The following FRAS1 variants were observed in gnomAD, a reference collection of about 807,000 sequenced individuals.
The protein encoded by FRAS1 is extracellular matrix organizing protein FRAS1.
FRAS1 carries 290 observed loss-of-function variants against 435.2 expected under a neutral mutation model. The ratio of observed to expected loss-of-function variants is 0.67; its 90% CI spans 0.61 to 0.73. The LOEUF is 0.73. FRAS1 is among the 30% of genes least tolerant of loss of function. The pLI is 0.00. For missense variants in FRAS1, 4,860 were observed against 5,001.5 expected (o/e 0.97, Z 0.85); for synonymous variants, 1,800 against 1,851.0 (o/e 0.97, Z 0.71).
In FRAS1 at chr4:78,299,633, C is replaced by G. The variant is rs552698753; in HGVS notation, c.1535-8433C>G. ...AGATGATTTCATCCCCTACAGATGTCTTGAGTTACTTTCTTTTCTCCCCAC... is the reference window on the plus strand; with the variant it reads ...AGATGATTTCATCCCCTACAGATGTGTTGAGTTACTTTCTTTTCTCCCCAC... On this transcript the variant is annotated intron_variant, in intron 14 of 73. Coordinates refer to ENST00000512123, the MANE Select transcript of FRAS1 (RefSeq NM_025074.7). Among the ~76,000 whole-genome samples the G allele has an allele frequency of 2.0e-5, 3 of 152,312 alleles. No homozygotes were observed. In the East Asian group the frequency reaches 5.8e-4, roughly 29 times the overall value.
intron 19 of FRAS1, among the ~76,000 whole-genome samples, chr4:78,334,355 C>G (rs2004557): frequency 0.029 from 4,131 of 141,716 alleles, 317 homozygotes; most frequent in African/African-American, 0.099. Flanking sequence ...AAAGTCATAA[C>G]CAATTTTCTT....
chr4:78,266,828 A>G lies in FRAS1; in HGVS notation c.688-6A>G. 1 of 1,591,132 alleles carries G rather than the reference A, an allele frequency of 6.3e-7. No homozygotes were observed. The highest frequency in any genetic ancestry group is 1.8e-5 in the Admixed American group (1 of 56,822). ...TTCCATGTTCTTCTTTCCTGTCTTC[A>G]TGCAGCATGGTGAGCAGTGGAGCGA... On this transcript the variant is annotated splice_polypyrimidine_tract_variant and splice_region_variant and intron_variant, in intron 7 of 73. Transcript: ENST00000512123.
chr4:78,453,903 A>C (rs183113638), intron 47 of FRAS1, among the ~76,000 whole-genome samples: 3 of 152,168 alleles, frequency 2.0e-5, no homozygotes, highest in African/African-American at 7.2e-5. Flanking sequence ...TTCAGATTTT[A>C]GGTTATACAG....
At chr4:78,431,506 G>A (rs1371532220) in intron 37 of FRAS1, among the ~76,000 whole-genome samples, 1 of 152,154 alleles carries the variant, frequency 6.6e-6, no homozygotes, top group Non-Finnish European at 1.5e-5. Flanking sequence ...TGAATAGACA[G>A]AATGAGTAAA....
At chr4:78,258,125 G>C (rs1387909509) in intron 6 of FRAS1, among the ~76,000 whole-genome samples, 1 of 152,090 alleles carries the variant, frequency 6.6e-6, no homozygotes, top group African/African-American at 2.4e-5. Flanking sequence ...TGAATTGCTT[G>C]AGCCCAGGAG....
intron 2 of FRAS1, among the ~76,000 whole-genome samples, chr4:78,179,256 C>T (rs1279911049): frequency 2.0e-5 from 3 of 152,166 alleles, no homozygotes; most frequent in Non-Finnish European, 4.4e-5. Flanking sequence ...TCAGTTGAGG[C>T]CCTGTTGGAT....
intron 6 of FRAS1, among the ~76,000 whole-genome samples, chr4:78,262,427 A>T (rs1409770108): frequency 2.0e-5 from 3 of 152,194 alleles, no homozygotes; most frequent in Admixed American, 2.0e-4. Flanking sequence ...GTGGCCACAC[A>T]TTGGAGGGAG....
intron 2 of FRAS1, among the ~76,000 whole-genome samples, chr4:78,158,603 C>T (rs17002988): frequency 0.55 from 84,148 of 152,004 alleles, 25,344 homozygotes; most frequent in Middle Eastern, 0.68. Flanking sequence ...AAATTAACTT[C>T]TCATGACTAC....
chr4:78,127,909 C>G (rs954913380), intron 2 of FRAS1, among the ~76,000 whole-genome samples: 3 of 125,680 alleles, frequency 2.4e-5, no homozygotes, highest in Non-Finnish European at 3.3e-5. Context: ...CCCCTCCCCC[C>G]ACCCCACAAC....
At chr4:78,257,348 TTACTTTTGC>T (rs1725842134) in intron 6 of FRAS1, among the ~76,000 whole-genome samples, 2 of 152,158 alleles carry the variant, frequency 1.3e-5, no homozygotes, top group South Asian at 4.1e-4. Context: ...AAGGCCATGA[TTACTTTTGC>T]ACCTGCCTAA....
At position 78,432,644 on chromosome 4, in the gene FRAS1, C is replaced by T; in HGVS notation, c.5217+40C>T. The T allele has an allele frequency of 3.9e-6, 6 of 1,521,716 alleles. 1 individual carries two copies. The South Asian group carries it at 5.5e-5, about 14-fold the overall frequency. The allele number at this position is 1,521,716 out of a possible 1,614,324, so 94.3% of individuals were successfully genotyped here. A position where few individuals can be genotyped will look rare whatever the true frequency, so the allele number is the denominator to read the frequency against. On this transcript the variant is annotated intron_variant, in intron 38 of 73. Transcript: ENST00000512123. ...TTGCTGTGTTTGTTCTCCACCGCCG[C>T]ATCTTCTGATGGGGCAGACTGGGCA...
chr4:78,318,709 C>G, intron 17 of FRAS1, 101 bp from the exon 18 acceptor site: 3 of 1,086,498 alleles, frequency 2.8e-6, no homozygotes, highest in Non-Finnish European at 3.9e-6. Context: ...TGCTGAAAGG[C>G]TGCATTTGGT....
chr4:78,411,733 T>G (rs1022187514), intron 31 of FRAS1, among the ~76,000 whole-genome samples: 4 of 152,162 alleles, frequency 2.6e-5, no homozygotes, highest in African/African-American at 9.7e-5. Context: ...CACTACCTAT[T>G]CAATGTTTGG....
chr4:78,386,766 C>G (rs1198562817), intron 28 of FRAS1, among the ~76,000 whole-genome samples: 2 of 151,942 alleles, frequency 1.3e-5, no homozygotes, highest in Non-Finnish European at 2.9e-5. Context: ...CCTGACAATC[C>G]TAAGAAAAAG....
chr4:78,067,730 G>T (rs370239992), intron 2 of FRAS1, among the ~76,000 whole-genome samples: 1 of 132,632 alleles, frequency 7.5e-6, no homozygotes, highest in South Asian at 2.3e-4. Flanking sequence ...ATAGGGTCTC[G>T]CTCTGTCACC....
intron 2 of FRAS1, among the ~76,000 whole-genome samples, chr4:78,219,937 C>T (rs185797033): frequency 2.6e-4 from 39 of 152,318 alleles, no homozygotes; most frequent in African/African-American, 9.1e-4. Flanking sequence ...CCATCATTCT[C>T]ACCGACAGAG....
chr4:78,169,620 A>C (rs1302389828), intron 2 of FRAS1, among the ~76,000 whole-genome samples: 1 of 152,130 alleles, frequency 6.6e-6, no homozygotes, highest in Non-Finnish European at 1.5e-5. Flanking sequence ...CAAGCCCTCA[A>C]ATGGATGAGA....
At chr4:78,507,909 G>A (rs1720895499) in intron 62 of FRAS1, among the ~76,000 whole-genome samples, 1 of 152,186 alleles carries the variant, frequency 6.6e-6, no homozygotes, top group South Asian at 2.1e-4. Flanking sequence ...TGGCACAAAT[G>A]TCAATAGTGT....
chr4:78,278,613 A>G (rs767068084), intron 9 of FRAS1, 42 bp from the exon 10 acceptor site: 1 of 1,097,934 alleles, frequency 9.1e-7, no homozygotes, highest in Admixed American at 1.7e-5. Context: ...CTACCTGGAG[A>G]TGTTAATTTG....
Sources: gnomAD v4.1 joint callset for allele counts (sites outside exome capture counted in the v4.1 genomes callset) on GRCh38, gnomAD v4.1.1 for gene constraint, MANE v1.5 for transcripts, NCBI Gene and HGNC (gene_info 2026-07-23, HGNC 2026-07-21) for gene names.